Variants in RORA observed in about 807,000 individuals in gnomAD.
RORA encodes nuclear receptor ROR-alpha.
Under a neutral mutation model 69.5 loss-of-function variants are expected in RORA, and 7 were observed. The ratio of observed to expected loss-of-function variants is 0.10; its 90% confidence interval spans 0.06 to 0.19. The LOEUF (loss-of-function observed/expected upper bound fraction) is 0.19. RORA is among the 10% of genes least tolerant of loss of function. The pLI, the probability that RORA is intolerant of heterozygous loss-of-function variation, is 1.00. For missense variants in RORA, 457 were observed against 663.0 expected, an observed-to-expected ratio of 0.69 and a Z score of 3.41; for synonymous variants, 261 against 240.8, an observed-to-expected ratio of 1.08 and a Z score of -0.78.
chr15:60,608,787 TCAA>T (rs2069013176), intron 2 of RORA, among the ~76,000 whole-genome samples: 1 of 152,198 alleles, frequency 6.6e-6, no homozygotes, highest in Non-Finnish European at 1.5e-5. Context: ...ACATGGCTCT[TCAA>T]CAACATGTCA....
At chr15:60,838,211 C>T (rs892664784) in intron 1 of RORA, among the ~76,000 whole-genome samples, 2 of 152,160 alleles carry the variant, frequency 1.3e-5, no homozygotes, top group Non-Finnish European at 2.9e-5. Flanking sequence ...GCATGCTGTT[C>T]CACACCAGAC....
intron 1 of RORA, among the ~76,000 whole-genome samples, chr15:61,159,505 T>C (rs2079475645): frequency 6.6e-6 from 1 of 152,224 alleles, no homozygotes; most frequent in Non-Finnish European, 1.5e-5. Flanking sequence ...GAATTCTAAG[T>C]AATTAGCAAA....
chr15:60,576,479 A>G (rs952763794), intron 2 of RORA, among the ~76,000 whole-genome samples: 1 of 152,242 alleles, frequency 6.6e-6, no homozygotes, highest in Non-Finnish European at 1.5e-5. Context: ...GTGAATGTCT[A>G]TATGTTAGAT....
chr15:61,162,022 T>C (rs774926503), intron 1 of RORA, among the ~76,000 whole-genome samples: 40 of 152,206 alleles, frequency 2.6e-4, no homozygotes, highest in Admixed American at 1.0e-3. Flanking sequence ...GAAATGTAGA[T>C]ATATACACAC....
intron 1 of RORA, among the ~76,000 whole-genome samples, chr15:60,899,090 A>G (rs1403662621): frequency 6.6e-6 from 1 of 152,224 alleles, no homozygotes; most frequent in East Asian, 1.9e-4. Context: ...GCAGACCACT[A>G]GGGGTTGTTC....
intron 1 of RORA, among the ~76,000 whole-genome samples, chr15:61,172,336 G>T (rs940210531): frequency 2.6e-5 from 4 of 152,088 alleles, no homozygotes; most frequent in African/African-American, 9.7e-5. Flanking sequence ...TGGCACAAAG[G>T]CCAGCTGCTA....
At chr15:60,752,376 GA>G (rs1322344579) in intron 1 of RORA, among the ~76,000 whole-genome samples, 1 of 152,128 alleles carries the variant, frequency 6.6e-6, no homozygotes, top group African/African-American at 2.4e-5. Flanking sequence ...CGTGTGAAAG[GA>G]AAGTGTGGCG....
chr15:60,723,828 A>C (rs1203391183), intron 1 of RORA, among the ~76,000 whole-genome samples: 2 of 152,224 alleles, frequency 1.3e-5, no homozygotes, highest in African/African-American at 4.8e-5. Flanking sequence ...GCAAGCTCTC[A>C]ATCCACAAGG....
chr15:60,931,993 G>A (rs951592845), intron 1 of RORA, among the ~76,000 whole-genome samples: 2 of 151,760 alleles, frequency 1.3e-5, no homozygotes, highest in Non-Finnish European at 2.9e-5. Context: ...TTCTAATCCT[G>A]AATTCTCAAA....
chr15:60,647,104 C>T (rs911158917), intron 2 of RORA, among the ~76,000 whole-genome samples: 10 of 152,144 alleles, frequency 6.6e-5, no homozygotes, highest in Non-Finnish European at 1.3e-4. Flanking sequence ...GTCATTCTTG[C>T]TTTTGTTCGA....
intron 1 of RORA, among the ~76,000 whole-genome samples, chr15:60,920,003 C>T (rs1455437604): frequency 6.6e-6 from 1 of 152,114 alleles, no homozygotes; most frequent in Admixed American, 6.5e-5. Flanking sequence ...CTCCACTGTG[C>T]TAACTGCATA....
intron 1 of RORA, among the ~76,000 whole-genome samples, chr15:61,222,774 A>G (rs1413016928): frequency 6.6e-6 from 1 of 152,204 alleles, no homozygotes; most frequent in Non-Finnish European, 1.5e-5. Flanking sequence ...GTGCTTGGAA[A>G]GAGGGTTTCC....
chr15:61,210,972 G>C (rs2079985848), intron 1 of RORA, among the ~76,000 whole-genome samples: 1 of 152,214 alleles, frequency 6.6e-6, no homozygotes, highest in Non-Finnish European at 1.5e-5. Flanking sequence ...AGTCAAGCCG[G>C]AGAACTCCCG....
At chr15:61,012,036 C>A (rs777478195) in intron 1 of RORA, among the ~76,000 whole-genome samples, 14 of 152,226 alleles carry the variant, frequency 9.2e-5, no homozygotes, top group Admixed American at 2.6e-4. Flanking sequence ...GTGGAGCTTC[C>A]GTTCACCAAA....
intron 1 of RORA, among the ~76,000 whole-genome samples, chr15:60,693,735 A>C (rs1338612864): frequency 3.3e-5 from 5 of 152,214 alleles, no homozygotes; most frequent in Admixed American, 1.3e-4. Flanking sequence ...ACATCTAAGA[A>C]GGGGAGTGAA....
At chr15:60,784,000 C>A (rs2072299993) in intron 1 of RORA, among the ~76,000 whole-genome samples, 1 of 152,226 alleles carries the variant, frequency 6.6e-6, no homozygotes, top group African/African-American at 2.4e-5. Context: ...GCCATCCCTC[C>A]TTTACATCAA....
chr15:61,180,708 T>C (rs2079676300), intron 1 of RORA, among the ~76,000 whole-genome samples: 1 of 152,236 alleles, frequency 6.6e-6, no homozygotes, highest in Non-Finnish European at 1.5e-5. Context: ...TCTTCCTTAC[T>C]AGACCATGAG....
At chr15:60,561,909 GAAC>G (rs1238022665) in intron 2 of RORA, among the ~76,000 whole-genome samples, 1 of 151,714 alleles carries the variant, frequency 6.6e-6, no homozygotes, top group African/African-American at 2.4e-5. Flanking sequence ...GTGATACACA[GAAC>G]AATAGCTTAT....
intron 1 of RORA, among the ~76,000 whole-genome samples, chr15:60,888,152 G>T (rs2073772229): frequency 6.6e-6 from 1 of 152,168 alleles, no homozygotes; most frequent in African/African-American, 2.4e-5. Flanking sequence ...TGTCTCATCG[G>T]CTGGATGCAC....
Sources: allele counts gnomAD v4.1 joint callset (sites outside exome capture counted in the v4.1 genomes callset), GRCh38; gene constraint gnomAD v4.1.1; transcripts MANE v1.5; gene names NCBI Gene and HGNC (gene_info 2026-07-23, HGNC 2026-07-21).